The following RFTN2 variants were observed in gnomAD, a reference collection of about 807,000 sequenced individuals.
The protein encoded by RFTN2 is raftlin-2.
Under a neutral mutation model 52.7 loss-of-function variants are expected in RFTN2, and 34 were observed. That is an observed-to-expected ratio of 0.64 (90% CI 0.49 to 0.86). RFTN2 has a LOEUF of 0.86. RFTN2 is among the 40% of genes least tolerant of loss of function. RFTN2 has a pLI of 0.00. For missense variants in RFTN2, 536 were observed against 600.1 expected, an observed-to-expected ratio of 0.89 and a Z score of 1.12; for synonymous variants, 203 against 217.7, an observed-to-expected ratio of 0.93 and a Z score of 0.59.
chr2:197,654,136 C>A (rs1180556795), intron 1 of RFTN2, among the ~76,000 whole-genome samples: 1 of 152,184 alleles, frequency 6.6e-6, no homozygotes, highest in Non-Finnish European at 1.5e-5. Flanking sequence ...GTCTGCAATT[C>A]CATCACTTTG....
chr2:197,600,933 A>T (rs1235139608), intron 7 of RFTN2, among the ~76,000 whole-genome samples: 3 of 152,222 alleles, frequency 2.0e-5, no homozygotes. Flanking sequence ...TCTAGTACAA[A>T]CTGTTTTGGT....
At chr2:197,634,978 T>C (rs1211941160) in intron 3 of RFTN2, among the ~76,000 whole-genome samples, 2 of 113,402 alleles carry the variant, frequency 1.8e-5, no homozygotes, top group Non-Finnish European at 3.9e-5. Context: ...TGAGTGAGAA[T>C]ATGCGGTGTT....
At chr2:197,612,752 T>C (rs1453564715) in intron 7 of RFTN2, among the ~76,000 whole-genome samples, 2 of 152,224 alleles carry the variant, frequency 1.3e-5, no homozygotes, top group African/African-American at 4.8e-5. Context: ...CCTAGGGTAA[T>C]TGAAGCAACA....
intron 1 of RFTN2, among the ~76,000 whole-genome samples, chr2:197,661,357 A>C (rs1200649209): frequency 1.3e-5 from 2 of 151,948 alleles, no homozygotes; most frequent in Non-Finnish European, 2.9e-5. Flanking sequence ...CAGCTTCCAG[A>C]GTAGTCGGAA....
chr2:197,616,634 A>G (rs2088150588), intron 6 of RFTN2, among the ~76,000 whole-genome samples: 1 of 152,162 alleles, frequency 6.6e-6, no homozygotes, highest in African/African-American at 2.4e-5. Flanking sequence ...ATTTGGATCC[A>G]AGAAGTTTCT....
intron 1 of RFTN2, among the ~76,000 whole-genome samples, chr2:197,661,917 C>T (rs2088982279): frequency 6.6e-6 from 1 of 152,116 alleles, no homozygotes; most frequent in Admixed American, 6.5e-5. Flanking sequence ...TTTCATATAC[C>T]TGTTGGCCAT....
At chr2:197,580,166 C>T (rs2087482084) in intron 8 of RFTN2, among the ~76,000 whole-genome samples, 1 of 152,058 alleles carries the variant, frequency 6.6e-6, no homozygotes, top group Admixed American at 6.6e-5. Context: ...CCGCTCCCGA[C>T]ATTAAAAAAA....
At chr2:197,672,422 A>G (rs1250212642) in intron 1 of RFTN2, among the ~76,000 whole-genome samples, 2 of 152,214 alleles carry the variant, frequency 1.3e-5, no homozygotes. Flanking sequence ...CCAATACTTG[A>G]TGATTATGTA....
At chr2:197,614,029 T>C (rs1330665829) in intron 7 of RFTN2, among the ~76,000 whole-genome samples, 2 of 152,358 alleles carry the variant, frequency 1.3e-5, no homozygotes, top group East Asian at 3.9e-4. Context: ...CTCTTCTTTT[T>C]AATATTCCTA....
At chr2:197,652,364 A>C (rs928468822) in intron 1 of RFTN2, among the ~76,000 whole-genome samples, 14 of 152,192 alleles carry the variant, frequency 9.2e-5, no homozygotes, top group Non-Finnish European at 1.6e-4. Flanking sequence ...TTGCTTAAGA[A>C]ATGCAGCATT....
At position 197,662,553 on chromosome 2, in the gene RFTN2, T is replaced by C. The variant is rs1156419460; in HGVS notation, c.139+12767A>G. 7.2e-5 allele frequency among the ~76,000 whole-genome samples: 11 copies of C among 152,168 alleles called. No homozygotes were observed. In the East Asian group the frequency reaches 1.7e-3, roughly 24 times the overall value. On this transcript the variant is annotated intron_variant, in intron 1 of 8. Coordinates refer to ENST00000295049, the MANE Select transcript of RFTN2 (RefSeq NM_144629.3). ...AGGTAGTGTGATGCTTCCAGCTTTG[T>C]TCTTTTTTTCCTAAAATTTTTTGGC...
chr2:197,652,420 G>C (rs140164913), intron 1 of RFTN2, among the ~76,000 whole-genome samples: 300 of 152,230 alleles, frequency 2.0e-3, no homozygotes, highest in Non-Finnish European at 3.5e-3. Flanking sequence ...GGAAAAATGG[G>C]GAAATGAGGG....
intron 1 of RFTN2, among the ~76,000 whole-genome samples, chr2:197,650,131 T>C (rs1263857493): frequency 1.3e-5 from 2 of 151,838 alleles, no homozygotes; most frequent in Non-Finnish European, 2.9e-5. Flanking sequence ...GTATAAAAAT[T>C]GTAGGAAAAA....
At chr2:197,651,765 A>G (rs546138064) in intron 1 of RFTN2, among the ~76,000 whole-genome samples, 9 of 152,190 alleles carry the variant, frequency 5.9e-5, no homozygotes, top group Non-Finnish European at 1.0e-4. Flanking sequence ...AATGGCATCT[A>G]TTTTTTGGTT....
intron 8 of RFTN2, among the ~76,000 whole-genome samples, chr2:197,594,399 C>T (rs1293061431): frequency 6.6e-6 from 1 of 152,090 alleles, no homozygotes; most frequent in African/African-American, 2.4e-5. Context: ...ATGATCACAG[C>T]TCACTGCAGC....
At chr2:197,644,754 G>A (rs977934073) in intron 2 of RFTN2, among the ~76,000 whole-genome samples, 3 of 152,120 alleles carry the variant, frequency 2.0e-5, no homozygotes, top group African/African-American at 7.2e-5. Context: ...GATAAGATTT[G>A]TAATTAGGAC....
intron 3 of RFTN2, among the ~76,000 whole-genome samples, chr2:197,636,783 A>G (rs1479945057): frequency 6.7e-6 from 1 of 149,260 alleles, no homozygotes; most frequent in African/African-American, 2.5e-5. Flanking sequence ...TATGTTGAAT[A>G]GGAGCGGTGA....
chr2:197,638,099 A>T (rs1173105316), intron 3 of RFTN2, among the ~76,000 whole-genome samples: 3 of 151,022 alleles, frequency 2.0e-5, no homozygotes, highest in Non-Finnish European at 4.4e-5. Flanking sequence ...CTGTGGTCTG[A>T]GAGATAGTTT....
At chr2:197,659,999 A>C (rs905251303) in intron 1 of RFTN2, among the ~76,000 whole-genome samples, 12 of 152,324 alleles carry the variant, frequency 7.9e-5, no homozygotes, top group African/African-American at 2.9e-4. Flanking sequence ...CTCATTACAA[A>C]AATCATATAA....
Sources: allele counts gnomAD v4.1 joint callset (sites outside exome capture counted in the v4.1 genomes callset), GRCh38; gene constraint gnomAD v4.1.1; transcripts MANE v1.5; gene names NCBI Gene and HGNC (gene_info 2026-07-23, HGNC 2026-07-21).